Variants in CNOT10 observed in about 807,000 individuals in gnomAD.
CNOT10 encodes CCR4-NOT transcription complex subunit 10.
A neutral mutation model predicts 94.6 loss-of-function variants in CNOT10; 30 were observed. The observed-to-expected ratio is 0.32, with a 90% CI of 0.24 to 0.43. The LOEUF (loss-of-function observed/expected upper bound fraction) is 0.43, where lower values mean the gene tolerates loss of function less well. Ranked by LOEUF, CNOT10 falls within the 20% of genes least tolerant of loss-of-function variation. The probability of loss-of-function intolerance (pLI) is 1.00; values close to 1 mark genes in which losing one functional copy is unlikely to be tolerated. For missense variants in CNOT10, 759 were observed against 877.2 expected, an observed-to-expected ratio of 0.87 and a Z score of 1.70; for synonymous variants, 289 against 301.6, an observed-to-expected ratio of 0.96 and a Z score of 0.43.
In CNOT10 at chr3:32,685,396, C is replaced by A; in HGVS notation, c.-65C>A. The A allele has an allele frequency of 1.9e-6, 3 of 1,542,940 alleles. No individual in the cohort carries two copies. The highest frequency in any genetic ancestry group is 1.7e-4 in the Middle Eastern group (1 of 5,974). On this transcript the variant is annotated 5_prime_UTR_variant, in exon 1 of 19. Transcript: ENST00000328834. ...TGTCCTCGGAGGTCCAGGACAGCGG[C>A]CAGCCCGGCGGCGGGAGTCAGGGCC...
At chr3:32,719,154 C>A (rs1332292490) in intron 7 of CNOT10, among the ~76,000 whole-genome samples, 1 of 152,196 alleles carries the variant, frequency 6.6e-6, no homozygotes, top group Non-Finnish European at 1.5e-5. Context: ...GAGGCTGAGG[C>A]AGGAGAATTG....
chr3:32,727,649 A>G lies in CNOT10; in HGVS notation c.1013-19A>G. ...ACTGTAAATCTAATGATGTATTCTT[A>G]TCTAATTTTTATCACTAGGTAAAAA... On this transcript the variant is annotated intron_variant, in intron 9 of 18. Transcript: ENST00000328834. The G allele has an allele frequency of 1.4e-6, 2 of 1,467,574 alleles. No individual in the cohort carries two copies. The highest frequency in any genetic ancestry group is 2.3e-5 in the South Asian group (2 of 87,854). The allele number at this position is 1,467,574 out of a possible 1,614,324, so 90.9% of individuals were successfully genotyped here. A position where few individuals can be genotyped will look rare whatever the true frequency, so the allele number is the denominator to read the frequency against.
intron 18 of CNOT10, among the ~76,000 whole-genome samples, chr3:32,772,489 T>C (rs1467385113): frequency 6.6e-6 from 1 of 152,012 alleles, no homozygotes; most frequent in African/African-American, 2.4e-5. Context: ...GTCACTGCAC[T>C]CCAGCCTGGG....
At chr3:32,755,665 A>G (rs2125623479) in intron 13 of CNOT10, among the ~76,000 whole-genome samples, 1 of 151,620 alleles carries the variant, frequency 6.6e-6, no homozygotes, top group South Asian at 2.1e-4. Context: ...AACTCACAGG[A>G]TCTATGGCTT....
chr3:32,763,303 C>T (rs1700528819), intron 15 of CNOT10, among the ~76,000 whole-genome samples: 1 of 151,918 alleles, frequency 6.6e-6, no homozygotes, highest in African/African-American at 2.4e-5. Flanking sequence ...GAGACCCTGT[C>T]TCTATTTTAA....
rs2125640717 is a variant in CNOT10 at position 32,764,676 on chromosome 3, C to T, written c.1877-6C>T. On this transcript the variant is annotated splice_region_variant and splice_polypyrimidine_tract_variant and intron_variant, in intron 16 of 18. Coordinates refer to ENST00000328834, the MANE Select transcript of CNOT10 (RefSeq NM_015442.3). ...CTTCACCAGTGTCTACACTCTTTTT[C>T]CCCAGCTGGTAAGCGGGCCCCTCAG... 2 of 1,612,670 alleles carry T rather than the reference C, an allele frequency of 1.2e-6. No individual in the cohort carries two copies. The highest frequency in any genetic ancestry group is 1.7e-6 in the Non-Finnish European group (2 of 1,179,662).
chr3:32,717,430 A>G (rs947376686), intron 7 of CNOT10, among the ~76,000 whole-genome samples, 193 bp downstream of exon 7: 4 of 152,102 alleles, frequency 2.6e-5, no homozygotes, highest in Non-Finnish European at 4.4e-5. Context: ...TAAAATTACA[A>G]CAAGCACTTT....
intron 13 of CNOT10, among the ~76,000 whole-genome samples, chr3:32,744,219 T>C (rs1032977886): frequency 2.6e-5 from 4 of 152,206 alleles, no homozygotes; most frequent in African/African-American, 9.6e-5. Flanking sequence ...TTTAAGATTG[T>C]GAAATTCTTT....
chr3:32,754,727 A>G (rs1364561400), intron 13 of CNOT10, among the ~76,000 whole-genome samples: 1 of 147,572 alleles, frequency 6.8e-6, no homozygotes, highest in Non-Finnish European at 1.5e-5. Flanking sequence ...TCGCCATGTT[A>G]GTCAGGCTGG....
intron 1 of CNOT10, among the ~76,000 whole-genome samples, chr3:32,697,083 T>C (rs1246630102): frequency 1.3e-5 from 2 of 152,078 alleles, no homozygotes; most frequent in Admixed American, 6.6e-5. Context: ...CCCAAGTAGC[T>C]GAGATTGTAG....
At chr3:32,748,219 G>A (rs889449478) in intron 13 of CNOT10, among the ~76,000 whole-genome samples, 4 of 152,170 alleles carry the variant, frequency 2.6e-5, no homozygotes, top group South Asian at 2.1e-4. Flanking sequence ...AAGTGTGTTC[G>A]AATGTTTGTA....
chr3:32,695,258 G>C (rs900340297), intron 1 of CNOT10, among the ~76,000 whole-genome samples: 1 of 152,130 alleles, frequency 6.6e-6, no homozygotes, highest in Non-Finnish European at 1.5e-5. Context: ...TCATATGTGA[G>C]GTATGTTAAC....
At chr3:32,693,708 A>C (rs1696940790) in intron 1 of CNOT10, among the ~76,000 whole-genome samples, 2 of 151,694 alleles carry the variant, frequency 1.3e-5, no homozygotes, top group African/African-American at 2.4e-5. Context: ...CGCCTGGCTA[A>C]CTTTTGTATT....
intron 13 of CNOT10, chr3:32,753,282 A>G: frequency 1.2e-6 from 1 of 854,542 alleles, no homozygotes; most frequent in Non-Finnish European, 2.0e-6. Flanking sequence ...CAAGAAGCTC[A>G]GAATGGCCCA....
At chr3:32,722,409 C>T (rs1698463177) in intron 8 of CNOT10, among the ~76,000 whole-genome samples, 1 of 152,108 alleles carries the variant, frequency 6.6e-6, no homozygotes, top group South Asian at 2.1e-4. Flanking sequence ...CCTCAGAGGT[C>T]CACTAACACA....
chr3:32,739,669 C>T (rs960983023), intron 13 of CNOT10, among the ~76,000 whole-genome samples: 1 of 152,052 alleles, frequency 6.6e-6, no homozygotes, highest in African/African-American at 2.4e-5. Flanking sequence ...TGCCTGTGAT[C>T]CCAGCACATT....
At chr3:32,705,003 A>G in intron 3 of CNOT10, 31 bp downstream of exon 3, 1 of 1,380,838 alleles carries the variant, frequency 7.2e-7, no homozygotes, top group South Asian at 1.5e-5. Flanking sequence ...ACTATAAAAA[A>G]TATTGTTCTG....
Position 32,753,655 on chromosome 3 carries a change from A to G in CNOT10, c.1596-5803A>G. On this transcript the variant is annotated intron_variant, in intron 13 of 18. Coordinates refer to ENST00000328834, the MANE Select transcript of CNOT10 (RefSeq NM_015442.3). ...CCTACATCCATCATCATCTCCTTAT[A>G]CAAGAAATTGGGATAAATTAGTGGG... 1.9e-6 allele frequency: 3 copies of G among 1,575,518 alleles called. No individual in the cohort carries two copies. In the Admixed American group the frequency reaches 5.3e-5, roughly 28 times the overall value.
At chr3:32,711,567 A>C (rs1697891604) in intron 4 of CNOT10, among the ~76,000 whole-genome samples, 2 of 152,106 alleles carry the variant, frequency 1.3e-5, no homozygotes, top group Admixed American at 1.3e-4. Flanking sequence ...ATTGAGTGAG[A>C]ATGTAGAGAT....
Sources: gnomAD v4.1 joint callset for allele counts (sites outside exome capture counted in the v4.1 genomes callset) on GRCh38, gnomAD v4.1.1 for gene constraint, MANE v1.5 for transcripts, NCBI Gene and HGNC (gene_info 2026-07-23, HGNC 2026-07-21) for gene names.